BRD4: variants seen among roughly 807,000 people sequenced by gnomAD.
BRD4 encodes bromodomain-containing protein 4.
A neutral mutation model predicts 142.1 loss-of-function variants in BRD4; 16 were observed. That is an observed-to-expected ratio of 0.11 (90% CI 0.08 to 0.17). The LOEUF (loss-of-function observed/expected upper bound fraction) is 0.17, where lower values mean the gene tolerates loss of function less well. BRD4 is among the 10% of genes least tolerant of loss of function. BRD4 has a pLI of 1.00. For missense variants in BRD4, 1,424 were observed against 1,810.9 expected (o/e 0.79, Z 3.88); for synonymous variants, 833 against 707.5 (o/e 1.18, Z -2.82).
At position 15,238,967 on chromosome 19, in the gene BRD4, C is replaced by G. The variant is rs199833114; in HGVS notation, c.3796G>C (p.Glu1266Gln). The change falls in exon 19 of 20, where the codon GAG (glutamate) becomes CAG (glutamine). Residue 1266 changes from glutamate to glutamine, a missense_variant. By Grantham distance (29) the Glu-to-Gln change is conservative. Coordinates refer to ENST00000679869, the MANE Select transcript of BRD4 (RefSeq NM_001379291.1). This position sits in a 1 kb window ranked among gnomAD's most constrained non-coding sequence, Gnocchi z 7.2. ...RQERMRSRED[E>Q]DALEQARRAH... ...CGCCGGGCCTGCTCCAGCGCATCCT[C>G]GTCCTCTCGGCTCCTGGGCAGAGGG... 6.3e-7 allele frequency: 1 copy of G among 1,589,382 alleles called. No individual in the cohort carries two copies. Among genetic ancestry groups the G allele is most frequent in the South Asian group, 1.1e-5 (1 of 89,654 alleles).
chr19:15,274,785 A>G (rs949352494), intron 1 of BRD4, among the ~76,000 whole-genome samples: 8 of 152,154 alleles, frequency 5.3e-5, no homozygotes, highest in East Asian at 1.9e-4. Flanking sequence ...ACAAAAACTC[A>G]TGTGTGCTCT....
At position 15,272,769 on chromosome 19, in the gene BRD4, G is replaced by A. The variant is rs769925584; in HGVS notation, c.285+46C>T. 2.4e-5 allele frequency: 38 copies of A among 1,562,734 alleles called. No individual in the cohort carries two copies. In the African/African-American group the frequency reaches 4.5e-4, roughly 18 times the overall value. On this transcript the variant is annotated intron_variant, in intron 2 of 19. Transcript: ENST00000679869. ...TGCCCTGACCAGGAGACATGCAGGAGACGACCTCCAGGACGGCCACCCTGG... is the reference window on the plus strand; with the variant it reads ...TGCCCTGACCAGGAGACATGCAGGAAACGACCTCCAGGACGGCCACCCTGG...
chr19:15,330,856 G>T (rs561813541), intron 1 of BRD4, among the ~76,000 whole-genome samples: 1 of 152,166 alleles, frequency 6.6e-6, no homozygotes, highest in Non-Finnish European at 1.5e-5. Context: ...AAATCCTTTT[G>T]AGTATCGCTT....
rs932882940 is a variant in BRD4 at position 15,289,977 on chromosome 19, C to A, written c.-34-16844G>T. On this transcript the variant is annotated intron_variant, in intron 1 of 19. Coordinates refer to ENST00000679869, the MANE Select transcript of BRD4 (RefSeq NM_001379291.1). ...GCAGCCTGAAGGGCAAGGAGTAATT[C>A]ACATTTTTGTTTTAGTTCTTGGAGA... 2.6e-5 allele frequency among the ~76,000 whole-genome samples: 4 copies of A among 152,188 alleles called. No homozygotes were observed. The South Asian group carries it at 8.3e-4, about 32-fold the overall frequency.
At chr19:15,322,054 T>C (rs1172808410) in intron 1 of BRD4, among the ~76,000 whole-genome samples, 5 of 152,100 alleles carry the variant, frequency 3.3e-5, no homozygotes, top group African/African-American at 4.8e-5. Context: ...GTATTCACAA[T>C]TGCCATCAAG....
In BRD4 at chr19:15,265,344, G is replaced by C. The variant is rs200532067; in HGVS notation, c.849+10C>G. On this transcript the variant is annotated intron_variant, in intron 5 of 19. Transcript: ENST00000679869. ...TGGTGAAGCAGCCCTCCAGAGTCCA[G>C]GAGACTCACCTTCACAGGCTGTGGG... 10 of 1,498,068 alleles carry C rather than the reference G, an allele frequency of 6.7e-6. No individual in the cohort carries two copies. Among genetic ancestry groups the C allele is most frequent in the Non-Finnish European group, 8.0e-6 (9 of 1,125,978 alleles). 92.8% of individuals were successfully genotyped at this position (1,498,068 alleles called of 1,614,324 possible). A position where few individuals can be genotyped will look rare whatever the true frequency, so the allele number is the denominator to read the frequency against.
At chr19:15,303,531 C>G (rs1007395275) in intron 1 of BRD4, among the ~76,000 whole-genome samples, 2 of 152,150 alleles carry the variant, frequency 1.3e-5, no homozygotes, top group African/African-American at 4.8e-5. Flanking sequence ...TTCAGCCTAT[C>G]TACTGAGATC....
In BRD4 at chr19:15,263,465, G is replaced by A. The variant is rs1487143674; in HGVS notation, c.1296C>T (p.Tyr432=). ...CCACCACCTCATGGTCAGGAGGGTT[G>A]TACTTATAGCAGTTGGAGAACATCA... is the stretch of plus-strand genomic sequence containing the variant. ...VRLMFSNCYK[Y]NPPDHEVVAM... is the part of the protein sequence containing the mutation. The change falls in exon 7 of 20, where the codon TAC becomes TAT. Residue 432 remains tyrosine, a synonymous_variant. Transcript: ENST00000679869. 2 of 1,614,096 alleles carry A rather than the reference G, an allele frequency of 1.2e-6. No individual in the cohort carries two copies. The highest frequency in any genetic ancestry group is 2.7e-5 in the African/African-American group (2 of 74,932).
intron 1 of BRD4, among the ~76,000 whole-genome samples, chr19:15,306,048 C>A (rs1354143422): frequency 1.3e-5 from 2 of 152,214 alleles, no homozygotes. Flanking sequence ...GTTACTACGG[C>A]CTTGCTAGAT....
intron 1 of BRD4, among the ~76,000 whole-genome samples, chr19:15,330,008 G>A (rs2048143115): frequency 6.6e-6 from 1 of 152,130 alleles, no homozygotes. Flanking sequence ...ATTTTCCCTC[G>A]CTGTCCTCCA....
intron 7 of BRD4, among the ~76,000 whole-genome samples, chr19:15,259,736 G>A (rs559443917): frequency 6.6e-6 from 1 of 152,336 alleles, no homozygotes; most frequent in Non-Finnish European, 1.5e-5. Context: ...AAGTCTCCAA[G>A]TACCAGCTTG....
chr19:15,277,124 C>CA (rs994691260), intron 1 of BRD4, among the ~76,000 whole-genome samples: 5 of 152,090 alleles, frequency 3.3e-5, no homozygotes, highest in Non-Finnish European at 5.9e-5. Context: ...GACCTGTGGC[C>CA]AAAAAGCAGG....
intron 1 of BRD4, among the ~76,000 whole-genome samples, chr19:15,309,571 C>G (rs1430026469): frequency 6.6e-6 from 1 of 152,018 alleles, no homozygotes; most frequent in Non-Finnish European, 1.5e-5. Context: ...TACGCATATG[C>G]CAAGAGAAAG....
At chr19:15,247,465 AG>A (rs946739307) in intron 11 of BRD4, 3 of 232,936 alleles carry the variant, frequency 1.3e-5, no homozygotes, top group African/African-American at 2.2e-5. Context: ...GCCAGATGGA[AG>A]CCCCACGGGC....
chr19:15,240,176 G>A (rs1308944162), intron 14 of BRD4, among the ~76,000 whole-genome samples, 154 bp from the exon 15 acceptor site: 2 of 152,186 alleles, frequency 1.3e-5, no homozygotes, highest in Non-Finnish European at 2.9e-5. Context: ...CAAAAAGGGT[G>A]AAGACCCACA....
intron 1 of BRD4, among the ~76,000 whole-genome samples, chr19:15,309,435 A>C (rs2047947306): frequency 6.6e-6 from 1 of 152,176 alleles, no homozygotes; most frequent in African/African-American, 2.4e-5. Context: ...TTGTCGGCAA[A>C]GATGTGGAGA....
At chr19:15,253,460 C>A in intron 11 of BRD4, 1 of 1,244,284 alleles carries the variant, frequency 8.0e-7, no homozygotes, top group Non-Finnish European at 1.1e-6. Context: ...AACCCAGGGT[C>A]CAACGTGCAG....
In BRD4 at chr19:15,239,521, C is replaced by T. The variant is rs2047221057; in HGVS notation, c.3447G>A (p.Arg1149=). Residue 1149 remains arginine, a splice_region_variant and synonymous_variant, in exon 17 of 20, where the codon CGG becomes CGA. Transcript: ENST00000679869. This position sits in a 1 kb window ranked among gnomAD's most constrained non-coding sequence, Gnocchi z 7.4. ...CGACATCCACAGGCTTCATTTCCGG[C>T]CCTGGAACATAAACAGCCGGTGGGC... ...SIKAPVHLPQ[R]PEMKPVDVGR... The T allele has an allele frequency of 1.2e-6, 2 of 1,611,034 alleles. No homozygotes were observed. Among genetic ancestry groups the T allele is most frequent in the Non-Finnish European group, 8.5e-7 (1 of 1,178,888 alleles).
At position 15,238,975 on chromosome 19, in the gene BRD4, C is replaced by T. The variant is rs1304668769; in HGVS notation, c.3788G>A (p.Arg1263Gln). The T allele has an allele frequency of 1.3e-6, 2 of 1,586,048 alleles. No homozygotes were observed. The highest frequency in any genetic ancestry group is 1.7e-6 in the Non-Finnish European group (2 of 1,168,038). ...CTGCTCCAGCGCATCCTCGTCCTCTCGGCTCCTGGGCAGAGGGTCCCAGTC... is the reference window on the plus strand; with the variant it reads ...CTGCTCCAGCGCATCCTCGTCCTCTTGGCTCCTGGGCAGAGGGTCCCAGTC... ...ERLRQERMRS[R>Q]EDEDALEQAR... is the part of the protein sequence containing the mutation. The change falls in exon 19 of 20, where the codon CGA becomes CAA. Residue 1263 changes from arginine to glutamine, a missense_variant. Around this residue, in one of 16 missense-constraint regions of BRD4, gnomAD observed 109 missense variants for 117.9 expected, o/e 0.92. Transcript: ENST00000679869. This position sits in a 1 kb window ranked among gnomAD's most constrained non-coding sequence, Gnocchi z 7.2.
Sources: gnomAD v4.1 joint callset for allele counts (sites outside exome capture counted in the v4.1 genomes callset) on GRCh38, gnomAD v4.1.1 for gene constraint, gnomAD v4.1.1 regional missense constraint, Gnocchi (gnomAD v3.1) non-coding constraint, MANE v1.5 for transcripts, NCBI Gene and HGNC (gene_info 2026-07-23, HGNC 2026-07-21) for gene names.